FARS2: variants seen among roughly 807,000 people sequenced by gnomAD.
FARS2 encodes the protein phenylalanine--tRNA ligase, mitochondrial.
FARS2 carries 40 observed loss-of-function variants against 46.4 expected under a neutral mutation model. The observed-to-expected ratio is 0.86, with a 90% confidence interval of 0.67 to 1.12. FARS2 has a LOEUF of 1.12. Ranked by LOEUF, FARS2 falls within the 50% of genes most tolerant of loss-of-function variation. FARS2 has a pLI of 0.00. For missense variants in FARS2, 513 were observed against 567.9 expected (o/e 0.90, Z 0.98); for synonymous variants, 234 against 214.9 (o/e 1.09, Z -0.78).
chr6:5,511,790 T>G (rs2150404480), intron 4 of FARS2, among the ~76,000 whole-genome samples: 1 of 152,328 alleles, frequency 6.6e-6, no homozygotes, highest in South Asian at 2.1e-4. Context: ...TTGAGGGATC[T>G]AGAAGTCTCA....
chr6:5,538,408 C>G (rs896615774), intron 4 of FARS2, among the ~76,000 whole-genome samples: 8 of 152,024 alleles, frequency 5.3e-5, no homozygotes, highest in African/African-American at 1.9e-4. Flanking sequence ...AAAACTGGAG[C>G]AAAAGTCACA....
At chr6:5,514,349 G>A (rs1376488429) in intron 4 of FARS2, among the ~76,000 whole-genome samples, 1 of 152,212 alleles carries the variant, frequency 6.6e-6, no homozygotes, top group Non-Finnish European at 1.5e-5. Flanking sequence ...TCTCAGAAAT[G>A]TGGGTAGCCT....
chr6:5,502,764 A>G (rs1021680473), intron 4 of FARS2, among the ~76,000 whole-genome samples: 2 of 152,252 alleles, frequency 1.3e-5, no homozygotes, highest in Admixed American at 6.5e-5. Context: ...GCACACATGT[A>G]AAAATGTAGG....
At chr6:5,758,437 C>T (rs1352947509) in intron 6 of FARS2, among the ~76,000 whole-genome samples, 2 of 152,094 alleles carry the variant, frequency 1.3e-5, no homozygotes, top group Non-Finnish European at 2.9e-5. Context: ...AAAACTTATC[C>T]GCTCTCAGTA....
intron 1 of FARS2, among the ~76,000 whole-genome samples, chr6:5,282,381 A>G (rs1250786944): frequency 6.6e-6 from 1 of 152,106 alleles, no homozygotes; most frequent in Non-Finnish European, 1.5e-5. Context: ...TAGGGGAGGG[A>G]GCATTCACAT....
chr6:5,734,172 G>C (rs966452169), intron 6 of FARS2, among the ~76,000 whole-genome samples: 2 of 152,180 alleles, frequency 1.3e-5, no homozygotes, highest in Non-Finnish European at 1.5e-5. Context: ...GAGAATTCTA[G>C]AAAGCTAGGC....
At chr6:5,409,792 G>C (rs1393569915) in intron 3 of FARS2, among the ~76,000 whole-genome samples, 1 of 152,158 alleles carries the variant, frequency 6.6e-6, no homozygotes, top group East Asian at 1.9e-4. Flanking sequence ...CAGTGGCCAG[G>C]CATCCTGAAA....
At chr6:5,703,750 T>G (rs1282605184) in intron 6 of FARS2, among the ~76,000 whole-genome samples, 1 of 152,166 alleles carries the variant, frequency 6.6e-6, no homozygotes, top group African/African-American at 2.4e-5. Flanking sequence ...ACAGGGGCTT[T>G]TCACTAGGGC....
chr6:5,714,898 G>A (rs1252507963), intron 6 of FARS2, among the ~76,000 whole-genome samples: 2 of 152,142 alleles, frequency 1.3e-5, no homozygotes, highest in South Asian at 2.1e-4. Context: ...GGTGATGGGC[G>A]CCTCTAATCC....
At chr6:5,302,343 G>A (rs192961180) in intron 1 of FARS2, among the ~76,000 whole-genome samples, 13 of 152,294 alleles carry the variant, frequency 8.5e-5, no homozygotes, top group Admixed American at 8.5e-4. Flanking sequence ...TGTGCACCAC[G>A]TGGTAGATAG....
At chr6:5,588,622 T>C (rs1367491493) in intron 5 of FARS2, among the ~76,000 whole-genome samples, 2 of 152,334 alleles carry the variant, frequency 1.3e-5, no homozygotes, top group East Asian at 3.9e-4. Context: ...AAAACCCATG[T>C]CTTCTGTTCA....
chr6:5,479,186 G>A (rs944995739), intron 4 of FARS2, among the ~76,000 whole-genome samples: 1 of 152,116 alleles, frequency 6.6e-6, no homozygotes, highest in South Asian at 2.1e-4. Context: ...CTCTGTGTAC[G>A]GTCTTTTCAC....
intron 4 of FARS2, among the ~76,000 whole-genome samples, chr6:5,512,924 T>C (rs1768545909): frequency 6.6e-6 from 1 of 152,170 alleles, no homozygotes; most frequent in Non-Finnish European, 1.5e-5. Context: ...AAATGTAGAC[T>C]GATGTCCAGT....
chr6:5,613,677 GTC>G lies in FARS2; in HGVS notation c.1217+362_1217+363del, dbSNP rs1775310015. On this transcript the variant is annotated intron_variant, in intron 6 of 6. Coordinates refer to ENST00000274680, the MANE Select transcript of FARS2 (RefSeq NM_006567.5). ...TTGTGGAGTAGAAGCTGTTTTGATA[GTC>G]TCTCAGCAAATATTTGTTAAGCACT... is the stretch of plus-strand genomic sequence containing the variant. 2.0e-5 allele frequency among the ~76,000 whole-genome samples: 3 copies of G among 152,296 alleles called. No homozygotes were observed. The South Asian group carries it at 6.2e-4, about 32-fold the overall frequency.
At chr6:5,510,524 C>T (rs1018882231) in intron 4 of FARS2, among the ~76,000 whole-genome samples, 2 of 152,236 alleles carry the variant, frequency 1.3e-5, no homozygotes, top group Non-Finnish European at 2.9e-5. Context: ...CCGCCGCACG[C>T]CCAGGGCTTT....
chr6:5,460,053 C>T (rs533196399), intron 4 of FARS2, among the ~76,000 whole-genome samples: 68 of 152,322 alleles, frequency 4.5e-4, no homozygotes, highest in Non-Finnish European at 8.1e-4. Context: ...TGGGATAGAT[C>T]GGTGCTCTGC....
chr6:5,353,990 T>C (rs1757755712), intron 1 of FARS2, among the ~76,000 whole-genome samples: 2 of 133,228 alleles, frequency 1.5e-5, no homozygotes, highest in African/African-American at 5.7e-5. Context: ...CACAGACATA[T>C]ATTCTGGTCT....
chr6:5,713,622 C>G (rs1465403464), intron 6 of FARS2, among the ~76,000 whole-genome samples: 1 of 152,254 alleles, frequency 6.6e-6, no homozygotes, highest in African/African-American at 2.4e-5. Flanking sequence ...CTCCGGATTG[C>G]TTTGCTAATC....
At chr6:5,653,653 A>G (rs1372586124) in intron 6 of FARS2, among the ~76,000 whole-genome samples, 1 of 152,246 alleles carries the variant, frequency 6.6e-6, no homozygotes, top group Non-Finnish European at 1.5e-5. Context: ...GAAGAGATAG[A>G]CATGAGTTGA....
Sources: allele counts gnomAD v4.1 joint callset (sites outside exome capture counted in the v4.1 genomes callset), GRCh38; gene constraint gnomAD v4.1.1; transcripts MANE v1.5; gene names NCBI Gene and HGNC (gene_info 2026-07-23, HGNC 2026-07-21).